The following KDM2B variants were observed in gnomAD, a reference collection of about 807,000 sequenced individuals.
KDM2B encodes lysine-specific demethylase 2B.
Under a neutral mutation model 150.0 loss-of-function variants are expected in KDM2B, and 26 were observed. That is an observed-to-expected ratio of 0.17 (90% CI 0.13 to 0.24). The LOEUF (loss-of-function observed/expected upper bound fraction) is 0.24. KDM2B is among the 10% of genes least tolerant of loss of function. The pLI, the probability that KDM2B is intolerant of heterozygous loss-of-function variation, is 1.00. For missense variants in KDM2B, 1,265 were observed against 1,816.9 expected, an observed-to-expected ratio of 0.70 and a Z score of 5.52; for synonymous variants, 734 against 729.5, an observed-to-expected ratio of 1.01 and a Z score of -0.10.
At chr12:121,522,193 T>C (rs1432796107) in intron 8 of KDM2B, among the ~76,000 whole-genome samples, 1 of 152,072 alleles carries the variant, frequency 6.6e-6, no homozygotes, top group South Asian at 2.1e-4. Context: ...CTTAACTCAT[T>C]AATTCTCATG....
At chr12:121,544,848 G>A (rs1396274187) in intron 6 of KDM2B, among the ~76,000 whole-genome samples, 1 of 152,158 alleles carries the variant, frequency 6.6e-6, no homozygotes, top group Non-Finnish European at 1.5e-5. Context: ...GGGAGGCGGA[G>A]GTTGCAGTGA....
intron 4 of KDM2B, among the ~76,000 whole-genome samples, chr12:121,559,342 G>T (rs950215704): frequency 1.9e-4 from 29 of 151,714 alleles, no homozygotes; most frequent in African/African-American, 7.1e-4. Flanking sequence ...CAGGTCTATG[G>T]GAGGGGTGGG....
chr12:121,555,545 G>C (rs1165660381), intron 4 of KDM2B, among the ~76,000 whole-genome samples: 1 of 152,042 alleles, frequency 6.6e-6, no homozygotes, highest in East Asian at 1.9e-4. Context: ...GCTAATATTT[G>C]TATTTTTTGT....
chr12:121,539,488 G>A (rs1486696094), intron 6 of KDM2B, among the ~76,000 whole-genome samples: 2 of 152,020 alleles, frequency 1.3e-5, no homozygotes, highest in Non-Finnish European at 2.9e-5. Flanking sequence ...GACTATATCC[G>A]ATTCATCTGT....
At chr12:121,502,650 G>C (rs1247646266) in intron 11 of KDM2B, among the ~76,000 whole-genome samples, 1 of 149,284 alleles carries the variant, frequency 6.7e-6, no homozygotes, top group African/African-American at 2.5e-5. Context: ...GGCTGGATGA[G>C]GTGGTTCACA....
intron 11 of KDM2B, among the ~76,000 whole-genome samples, chr12:121,495,870 T>C (rs566157190): frequency 6.6e-6 from 1 of 151,872 alleles, no homozygotes; most frequent in South Asian, 2.1e-4. Context: ...CGTGGCCAAA[T>C]TGTGGCAGAA....
rs539691677 is a variant in KDM2B, at chr12:121,429,226, C to T, written c.*1062G>A. On this transcript the variant is annotated 3_prime_UTR_variant, in exon 23 of 23. Transcript: ENST00000377071. Reference sequence around the variant, plus strand: ...TATACAAATTCAACAAAGGTAAAATCGCATCAGGGAAGGTCTAGGAAACAC... The same window carrying T: ...TATACAAATTCAACAAAGGTAAAATTGCATCAGGGAAGGTCTAGGAAACAC... 2.0e-5 allele frequency: 3 copies of T among 152,526 alleles called. No individual in the cohort carries two copies. Among genetic ancestry groups the T allele is most frequent in the South Asian group, 2.1e-4 (1 of 4,808 alleles). 9.4% of individuals were successfully genotyped at this position (152,526 alleles called of 1,614,324 possible).
chr12:121,436,499 C>T (rs181465769), intron 22 of KDM2B, among the ~76,000 whole-genome samples: 2 of 143,872 alleles, frequency 1.4e-5, no homozygotes, highest in Admixed American at 7.2e-5. Context: ...CCAGCCTGGG[C>T]GACAGAGTGA....
chr12:121,470,682 T>TG (rs1439618971), intron 12 of KDM2B: 1 of 152,120 alleles, frequency 6.6e-6, no homozygotes, highest in African/African-American at 2.4e-5. Context: ...AACTGGAGCC[T>TG]GGGCTCTCAA....
In KDM2B at chr12:121,442,433, C is replaced by T; in HGVS notation, c.3008G>A (p.Gly1003Asp). ...RPHRFSKGLNGTPRELRHQLG... is the reference protein window; with the variant it reads ...RPHRFSKGLNDTPRELRHQLG... ...CTGGTGCCGCAGCTCCCGGGGGGTGCCGTTGAGCCCCTTGCTGAAGCGGTG... is the reference window on the plus strand; with the variant it reads ...CTGGTGCCGCAGCTCCCGGGGGGTGTCGTTGAGCCCCTTGCTGAAGCGGTG... Residue 1003 changes from glycine (G) to aspartate (D), a missense_variant, in exon 19 of 23, where the codon GGC becomes GAC. Gly to Asp is a moderately conservative substitution (Grantham distance 94). Around this residue, in one of 11 missense-constraint regions of KDM2B, gnomAD observed 418 missense variants for 402.4 expected, o/e 1.04. Coordinates refer to ENST00000377071, the MANE Select transcript of KDM2B (RefSeq NM_032590.5). The surrounding 1 kb of genome is among the most constrained non-coding windows in gnomAD (Gnocchi z 7.7). 1 of 1,598,960 alleles carries T rather than the reference C, an allele frequency of 6.3e-7. No homozygotes were observed. Among genetic ancestry groups the T allele is most frequent in the East Asian group, 2.2e-5 (1 of 44,726 alleles).
At chr12:121,579,943 C>CAAAAAAAAAA (rs61355823) in intron 1 of KDM2B, 1 of 1,107,256 alleles carries the variant, frequency 9.0e-7, no homozygotes, top group Non-Finnish European at 1.1e-6. Flanking sequence ...GAGAAACAAC[C>CAAAAAAAAAA]AAAAAAAAAA....
rs1057380102 is a variant in KDM2B, at chr12:121,442,901, C to T, written c.2605-65G>A. The T allele has an allele frequency of 4.5e-6, 7 of 1,560,022 alleles. No homozygotes were observed. Among genetic ancestry groups the T allele is most frequent in the East Asian group, 2.3e-5 (1 of 43,638 alleles). On this transcript the variant is annotated intron_variant, in intron 18 of 22. Coordinates refer to ENST00000377071, the MANE Select transcript of KDM2B (RefSeq NM_032590.5). The surrounding 1 kb of genome is among the most constrained non-coding windows in gnomAD (Gnocchi z 7.7). Reference sequence around the variant, plus strand: ...AGGGCTGCGCCCGCCCAAGGCCTCCCGCCCCCCTGCCACGGGACTGTGGCC... The same window carrying T: ...AGGGCTGCGCCCGCCCAAGGCCTCCTGCCCCCCTGCCACGGGACTGTGGCC...
At chr12:121,511,478 G>A (rs1022770390) in intron 10 of KDM2B, among the ~76,000 whole-genome samples, 6 of 151,984 alleles carry the variant, frequency 3.9e-5, no homozygotes, top group Non-Finnish European at 5.9e-5. Context: ...TAGAGACGAG[G>A]TGTCACCATG....
upstream of KDM2B, chr12:121,581,189 G>C (rs1891944865): frequency 2.7e-6 from 1 of 365,864 alleles, no homozygotes. Context: ...AAGGGGAGCA[G>C]ATAGATGCTC....
intron 12 of KDM2B, among the ~76,000 whole-genome samples, chr12:121,459,791 T>C (rs899836763): frequency 1.3e-5 from 2 of 150,962 alleles, no homozygotes; most frequent in Admixed American, 6.6e-5. Context: ...GATCACACCA[T>C]TGCACTCCAG....
chr12:121,558,931 C>T (rs148440360), intron 4 of KDM2B, among the ~76,000 whole-genome samples: 29 of 152,262 alleles, frequency 1.9e-4, no homozygotes, highest in East Asian at 1.4e-3. Flanking sequence ...CTGCCATCGC[C>T]GCCCTCCCCA....
At chr12:121,455,996 G>A (rs782475048) in intron 12 of KDM2B, among the ~76,000 whole-genome samples, 11 of 152,338 alleles carry the variant, frequency 7.2e-5, no homozygotes, top group East Asian at 1.9e-4. Flanking sequence ...GCCATGCCGC[G>A]TGAGGGCAGG....
chr12:121,572,824 T>C (rs1891205201), intron 4 of KDM2B, among the ~76,000 whole-genome samples: 1 of 10,512 alleles, frequency 9.5e-5, no homozygotes, highest in Non-Finnish European at 2.6e-4. Context: ...CTGGATAAAT[T>C]TTTTTTTTTT....
chr12:121,416,339 A>G, the KDM2B span: 1 of 1,614,028 alleles, frequency 6.2e-7, no homozygotes, highest in Non-Finnish European at 8.5e-7. Context: ...CATAGTTTGT[A>G]AAGCCTGTGG....
Sources: allele counts gnomAD v4.1 joint callset (sites outside exome capture counted in the v4.1 genomes callset), GRCh38; gene constraint gnomAD v4.1.1; regional missense constraint gnomAD v4.1.1; non-coding constraint Gnocchi (gnomAD v3.1); transcripts MANE v1.5; gene names NCBI Gene and HGNC (gene_info 2026-07-23, HGNC 2026-07-21).